Variants in LRP2 observed in about 807,000 individuals in gnomAD.
LRP2 encodes low-density lipoprotein receptor-related protein 2.
Under a neutral mutation model 531.0 loss-of-function variants are expected in LRP2, and 172 were observed. The ratio of observed to expected loss-of-function variants is 0.32; its 90% confidence interval spans 0.29 to 0.37. The LOEUF is 0.37. Ranked by LOEUF, LRP2 falls within the 10% of genes least tolerant of loss-of-function variation. The probability of loss-of-function intolerance (pLI) is 1.00; values close to 1 mark genes in which losing one functional copy is unlikely to be tolerated. For missense variants in LRP2, 5,167 were observed against 5,868.3 expected (o/e 0.88, Z 3.90); for synonymous variants, 1,992 against 2,027.6 (o/e 0.98, Z 0.47).
intron 1 of LRP2, among the ~76,000 whole-genome samples, chr2:169,359,186 A>C (rs1440299866): frequency 6.6e-6 from 1 of 152,146 alleles, no homozygotes; most frequent in Non-Finnish European, 1.5e-5. Flanking sequence ...ACAAGATGTC[A>C]TTGGGTAAAT....
Position 169,196,999 on chromosome 2 carries a change from T to C in LRP2, c.8610A>G (p.Gln2870=), listed in dbSNP as rs775821697. ...GAGGAATACAGCGCCCAGATGCGCA[T>C]TGGAACTCACTGCTGCTGCACGTGT... is the stretch of plus-strand genomic sequence containing the variant. ...TTHTCSSSEF[Q]CASGRCIPQH... The change falls in exon 46 of 79, where the codon CAA becomes CAG. Residue 2870 remains glutamine, a synonymous_variant. Transcript: ENST00000649046. The C allele has an allele frequency of 7.4e-6, 12 of 1,613,974 alleles. No individual in the cohort carries two copies. Among genetic ancestry groups the C allele is most frequent in the Non-Finnish European group, 9.3e-6 (11 of 1,180,010 alleles).
intron 1 of LRP2, among the ~76,000 whole-genome samples, chr2:169,324,755 G>C (rs1311017693): frequency 6.6e-6 from 1 of 152,106 alleles, no homozygotes; most frequent in East Asian, 1.9e-4. Context: ...CCAGAGAAGA[G>C]GAGTCATTTG....
intron 1 of LRP2, among the ~76,000 whole-genome samples, chr2:169,342,289 C>A (rs1574274678): frequency 6.6e-6 from 1 of 151,504 alleles, no homozygotes; most frequent in Non-Finnish European, 1.5e-5. Context: ...ATAAAACATG[C>A]CAACTTATAA....
intron 49 of LRP2, among the ~76,000 whole-genome samples, chr2:169,186,744 A>C (rs1239898557): frequency 6.6e-6 from 1 of 152,232 alleles, no homozygotes; most frequent in Non-Finnish European, 1.5e-5. Context: ...TACTCCTTCC[A>C]GTTGTAAGAG....
chr2:169,290,102 T>C (rs1421678439), intron 8 of LRP2, among the ~76,000 whole-genome samples: 2 of 151,838 alleles, frequency 1.3e-5, no homozygotes, highest in Admixed American at 1.3e-4. Context: ...GTGGGGTGAA[T>C]ATTCTACAGC....
At position 169,209,530 on chromosome 2, in the gene LRP2, C is replaced by T. The variant is rs767323349; in HGVS notation, c.6392G>A (p.Gly2131Glu). The T allele has an allele frequency of 6.2e-7, 1 of 1,614,128 alleles. No homozygotes were observed. The highest frequency in any genetic ancestry group is 8.5e-7 in the Non-Finnish European group (1 of 1,179,988). The change falls in exon 38 of 79, where the codon GGA becomes GAA. Residue 2131 changes from glycine to glutamate, a missense_variant. Gly to Glu is a moderately conservative substitution (Grantham distance 98). This residue lies in a region of LRP2 where 2,811 missense variants were observed against 3,058.0 expected (regional missense o/e 0.92). Coordinates refer to ENST00000649046, the MANE Select transcript of LRP2 (RefSeq NM_004525.3). Reference sequence around the variant, plus strand: ...TGTCACAATGTTCATCAGAGAAGATCCATCTGGTTTAATTCTACGGATCGC... The same window carrying T: ...TGTCACAATGTTCATCAGAGAAGATTCATCTGGTTTAATTCTACGGATCGC... ...DNAIRRIKPD[G>E]SSLMNIVTHG...
intron 11 of LRP2, among the ~76,000 whole-genome samples, 164 bp downstream of exon 11, chr2:169,280,186 C>G (rs12998030): frequency 0.034 from 5,167 of 152,254 alleles, 116 homozygotes; most frequent in Middle Eastern, 0.058. Context: ...TAATAGGTCA[C>G]ATGTAATAGT....
chr2:169,204,938 G>A (rs1476494062), intron 41 of LRP2, among the ~76,000 whole-genome samples: 2 of 151,868 alleles, frequency 1.3e-5, no homozygotes, highest in Non-Finnish European at 2.9e-5. Context: ...GTTGACAAAA[G>A]GAAAATATTA....
chr2:169,225,733 T>C (rs908760907), intron 32 of LRP2, among the ~76,000 whole-genome samples: 1 of 152,216 alleles, frequency 6.6e-6, no homozygotes, highest in Non-Finnish European at 1.5e-5. Flanking sequence ...AAAACCCAAG[T>C]CACAGATGTG....
chr2:169,174,281 C>A, intron 55 of LRP2, 117 bp from the exon 56 acceptor site: 1 of 1,261,158 alleles, frequency 7.9e-7, no homozygotes, highest in South Asian at 1.3e-5. Flanking sequence ...GACTTATTTC[C>A]TAATGTACTT....
chr2:169,169,165 T>C (rs1168092263), intron 60 of LRP2, among the ~76,000 whole-genome samples: 1 of 152,256 alleles, frequency 6.6e-6, no homozygotes, highest in Non-Finnish European at 1.5e-5. Flanking sequence ...ACTGTGTCTA[T>C]GTAGAAAAGG....
At chr2:169,139,425 G>A in intron 73 of LRP2, 54 bp from the exon 74 acceptor site, 2 of 1,614,106 alleles carry the variant, frequency 1.2e-6, no homozygotes, top group Non-Finnish European at 1.7e-6. Flanking sequence ...CGCAATCCTG[G>A]CAGAAACTGG....
chr2:169,140,422 G>A, intron 72 of LRP2, 33 bp downstream of exon 72: 1 of 1,549,886 alleles, frequency 6.5e-7, no homozygotes, highest in East Asian at 2.2e-5. Context: ...AAGAGGCAAG[G>A]CCTATAGCTG....
At chr2:169,353,410 G>T (rs1685905509) in intron 1 of LRP2, among the ~76,000 whole-genome samples, 1 of 152,070 alleles carries the variant, frequency 6.6e-6, no homozygotes. Context: ...AAAGAGAACT[G>T]GAGCCCTGAC....
intron 55 of LRP2, 84 bp downstream of exon 55, chr2:169,175,109 A>ATAT: frequency 1.5e-6 from 2 of 1,366,304 alleles, no homozygotes; most frequent in South Asian, 1.2e-5. Flanking sequence ...TTAGTTCATG[A>ATAT]TATTCAGGAA....
Position 169,204,216 on chromosome 2 carries a change from C to A in LRP2, c.7771G>T (p.Ala2591Ser), listed in dbSNP as rs774917487. 2.4e-5 allele frequency: 38 copies of A among 1,613,976 alleles called. No individual in the cohort carries two copies. The highest frequency in any genetic ancestry group is 4.0e-5 in the African/African-American group (3 of 74,908). ...TGVDREVIVN[A>S]AVHAFGLTLY... ...GTCAAGCCAAAAGCATGAACGGCTG[C>A]ATTGACAATGACTTCACGATCCACG... The change falls in exon 42 of 79, where the codon GCA becomes TCA. Residue 2591 changes from alanine to serine, a missense_variant. By Grantham distance (99) the Ala-to-Ser change is moderately conservative (BLOSUM62 1). Around this residue, in one of 6 missense-constraint regions of LRP2, gnomAD observed 1,129 missense variants for 1,362.7 expected, o/e 0.83. Coordinates refer to ENST00000649046, the MANE Select transcript of LRP2 (RefSeq NM_004525.3).
At chr2:169,133,852 T>C (rs1290887978) in intron 76 of LRP2, among the ~76,000 whole-genome samples, 1 of 152,248 alleles carries the variant, frequency 6.6e-6, no homozygotes, top group African/African-American at 2.4e-5. Context: ...CACTTTCACT[T>C]AGACTGAACC....
intron 33 of LRP2, among the ~76,000 whole-genome samples, chr2:169,221,466 G>A (rs1274527044): frequency 6.6e-6 from 1 of 152,140 alleles, no homozygotes; most frequent in Non-Finnish European, 1.5e-5. Context: ...ACAGCACATA[G>A]AAATATAGTT....
chr2:169,304,881 G>T (rs970391364), intron 4 of LRP2, among the ~76,000 whole-genome samples: 2 of 152,106 alleles, frequency 1.3e-5, no homozygotes, highest in African/African-American at 2.4e-5. Flanking sequence ...ATACTACGCA[G>T]CCCTAAAAAG....
Sources: allele counts gnomAD v4.1 joint callset (sites outside exome capture counted in the v4.1 genomes callset), GRCh38; gene constraint gnomAD v4.1.1; regional missense constraint gnomAD v4.1.1; transcripts MANE v1.5; gene names NCBI Gene and HGNC (gene_info 2026-07-23, HGNC 2026-07-21).